Variants in FGFR1 observed in about 807,000 individuals in gnomAD.
FGFR1 encodes FGFR1/PLAG1 fusion.
A neutral mutation model predicts 93.7 loss-of-function variants in FGFR1; 18 were observed. The ratio of observed to expected loss-of-function variants is 0.19; its 90% CI spans 0.13 to 0.28. The LOEUF is 0.28. Among genes scored for constraint, FGFR1 ranks in the 10% least tolerant of loss-of-function variants. The pLI, the probability that FGFR1 is intolerant of heterozygous loss-of-function variation, is 1.00. For missense variants in FGFR1, 731 were observed against 1,080.4 expected (o/e 0.68, Z 4.53); for synonymous variants, 448 against 429.3 (o/e 1.04, Z -0.54).
chr8:38,452,148 G>C (rs148991264), intron 2 of FGFR1, among the ~76,000 whole-genome samples: 1 of 151,504 alleles, frequency 6.6e-6, no homozygotes, highest in Non-Finnish European at 1.5e-5. Context: ...ACTGAGGGGC[G>C]TTGGTACTGC....
rs1818096608 is a variant in FGFR1, at chr8:38,419,874, A to G, written c.1082-139T>C. ...AGAACCATGGCAAGTTCTAGCTAGG[A>G]CTGGGATTGTGGCACTAGGAGGATC... On this transcript the variant is annotated intron_variant, in intron 8 of 17. Transcript: ENST00000447712. The G allele has an allele frequency of 4.2e-5, 29 of 697,836 alleles. No homozygotes were observed. The South Asian group carries it at 5.3e-4, about 13-fold the overall frequency. 43.2% of individuals were successfully genotyped at this position (697,836 alleles called of 1,614,324 possible).
intron 2 of FGFR1, among the ~76,000 whole-genome samples, chr8:38,448,761 A>C (rs1406746118): frequency 6.6e-6 from 1 of 152,058 alleles, no homozygotes; most frequent in Non-Finnish European, 1.5e-5. Context: ...TCAAGACCAG[A>C]CTGGCCAACA....
intron 1 of FGFR1, among the ~76,000 whole-genome samples, chr8:38,462,915 T>C (rs974958796): frequency 7.5e-5 from 11 of 145,780 alleles, no homozygotes; most frequent in African/African-American, 2.8e-4. Context: ...TTTTTTTTTT[T>C]TTTTTTTTAA....
chr8:38,447,533 G>A (rs1829749420), intron 2 of FGFR1, among the ~76,000 whole-genome samples: 1 of 152,170 alleles, frequency 6.6e-6, no homozygotes, highest in Non-Finnish European at 1.5e-5. Flanking sequence ...CCAGGATGGA[G>A]TGCAGTGGTG....
At position 38,429,652 on chromosome 8, in the gene FGFR1, G is replaced by T; in HGVS notation, c.358+30C>A. ...GAGGGCTGGAGGGGGTGGGTCTAGG[G>T]AGGGGCAAGGGCAGGGCTTGGCTAC... is the stretch of plus-strand genomic sequence containing the variant. On this transcript the variant is annotated intron_variant, in intron 3 of 17. Transcript: ENST00000447712. The surrounding 1 kb of genome is among the most constrained non-coding windows in gnomAD (Gnocchi z 4.4). The T allele has an allele frequency of 6.4e-7, 1 of 1,555,674 alleles. No homozygotes were observed. Among genetic ancestry groups the T allele is most frequent in the Non-Finnish European group, 8.7e-7 (1 of 1,149,056 alleles).
At chr8:38,451,413 G>A (rs1325431359) in intron 2 of FGFR1, among the ~76,000 whole-genome samples, 4 of 152,028 alleles carry the variant, frequency 2.6e-5, no homozygotes, top group Non-Finnish European at 5.9e-5. Flanking sequence ...AGGCTGAAAC[G>A]CACACCCCTT....
intron 1 of FGFR1, among the ~76,000 whole-genome samples, chr8:38,461,663 T>C (rs975585995): frequency 1.1e-4 from 17 of 152,250 alleles, no homozygotes; most frequent in African/African-American, 3.9e-4. Flanking sequence ...CCCTTCCACT[T>C]ATGATCTTGC....
chr8:38,449,376 A>G (rs1042020146), intron 2 of FGFR1, among the ~76,000 whole-genome samples: 4 of 152,222 alleles, frequency 2.6e-5, no homozygotes, highest in African/African-American at 9.6e-5. Flanking sequence ...TGACTAGATG[A>G]ATGAATAAAT....
chr8:38,452,996 TA>T (rs762619098), intron 2 of FGFR1, among the ~76,000 whole-genome samples: 9 of 152,068 alleles, frequency 5.9e-5, no homozygotes, highest in African/African-American at 9.7e-5. Flanking sequence ...ATTAATTAAT[TA>T]AAAAATATCA....
In FGFR1 at chr8:38,468,011, G is replaced by T; in HGVS notation, c.-119C>A. On this transcript the variant is annotated 5_prime_UTR_variant, in exon 1 of 18. Coordinates refer to ENST00000447712, the MANE Select transcript of FGFR1 (RefSeq NM_023110.3). ...TCGGCGTGGAGGTTCCGCCTCGGGA[G>T]AGTCCGCCGTGGCTTGTGCGAGCGG... 2 of 221,142 alleles carry T rather than the reference G, an allele frequency of 9.0e-6. No individual in the cohort carries two copies. Among genetic ancestry groups the T allele is most frequent in the Non-Finnish European group, 1.8e-5 (2 of 110,274 alleles). 13.7% of individuals were successfully genotyped at this position (221,142 alleles called of 1,614,324 possible). A position where few individuals can be genotyped will look rare whatever the true frequency, so the allele number is the denominator to read the frequency against.
chr8:38,423,310 T>C, intron 7 of FGFR1: 1 of 592,388 alleles, frequency 1.7e-6, no homozygotes, highest in South Asian at 1.9e-5. Flanking sequence ...CTTTCCCTTT[T>C]AGTTTTTTTT....
In FGFR1 at chr8:38,413,983, G is replaced by C. The variant is rs1775239872; in HGVS notation, c.2227C>G (p.Gln743Glu). 2 of 1,613,998 alleles carry C rather than the reference G, an allele frequency of 1.2e-6. No homozygotes were observed. The highest frequency in any genetic ancestry group is 3.3e-5 in the Admixed American group (2 of 59,990). The change falls in exon 17 of 18, where the codon CAG (glutamine) becomes GAG (glutamate). Residue 743 changes from glutamine to glutamate, a missense_variant. Transcript: ENST00000447712. The surrounding 1 kb of genome is among the most constrained non-coding windows in gnomAD (Gnocchi z 4.2). ...MRDCWHAVPS[Q>E]RPTFKQLVED... ...ACCAGCTGCTTGAAGGTGGGTCTCT[G>C]TGAGGGCACTGCATGCCAGCAGTCC... is the stretch of plus-strand genomic sequence containing the variant.
intron 2 of FGFR1, among the ~76,000 whole-genome samples, chr8:38,453,392 T>G (rs10958700): frequency 0.18 from 27,578 of 152,302 alleles, 3,151 homozygotes; most frequent in East Asian, 0.32. Flanking sequence ...GCAGACATGC[T>G]TATTTGATAT....
rs1399110827 is a variant in FGFR1, at chr8:38,440,795, C to T, written c.92-10847G>A. The stretch of plus-strand genomic sequence containing the variant: ...ACTGAATGGCCTCTGCCAGCAGGTC[C>T]CCCCGTGCGTTGCCATGGGGACCCC... On this transcript the variant is annotated intron_variant, in intron 2 of 17. Coordinates refer to ENST00000447712, the MANE Select transcript of FGFR1 (RefSeq NM_023110.3). 3.9e-5 allele frequency among the ~76,000 whole-genome samples: 6 copies of T among 152,176 alleles called. No homozygotes were observed. In the East Asian group the frequency reaches 1.2e-3, roughly 29 times the overall value.
Position 38,417,997 on chromosome 8 carries a change from G to A in FGFR1, c.1431-6C>T, listed in dbSNP as rs375706016. 34 of 1,614,020 alleles carry A rather than the reference G, an allele frequency of 2.1e-5. No homozygotes were observed. Among genetic ancestry groups the A allele is most frequent in the African/African-American group, 2.7e-5 (2 of 74,900 alleles). On this transcript the variant is annotated splice_region_variant and splice_polypyrimidine_tract_variant and intron_variant, in intron 10 of 17. Coordinates refer to ENST00000447712, the MANE Select transcript of FGFR1 (RefSeq NM_023110.3). Reference sequence around the variant, plus strand: ...GGGGTTTGCCTAAGACCAGTCTTTCGGGGGAAACAGAGAGTGGCATAAGTT... The same window carrying A: ...GGGGTTTGCCTAAGACCAGTCTTTCAGGGGAAACAGAGAGTGGCATAAGTT...
chr8:38,452,265 C>G (rs1831340107), intron 2 of FGFR1, among the ~76,000 whole-genome samples: 1 of 151,008 alleles, frequency 6.6e-6, no homozygotes, highest in Non-Finnish European at 1.5e-5. Context: ...ACAGCAAGGC[C>G]TTTTAAATGG....
At chr8:38,445,333 T>G (rs1364205492) in intron 2 of FGFR1, among the ~76,000 whole-genome samples, 1 of 152,204 alleles carries the variant, frequency 6.6e-6, no homozygotes, top group Non-Finnish European at 1.5e-5. Flanking sequence ...CTCCAGAATC[T>G]AAGGCTGGCA....
rs764737745 is a variant in FGFR1, at chr8:38,424,290, C to T, written c.936+219G>A. The stretch of plus-strand genomic sequence containing the variant: ...CTTATTACAGACCAGCACCACCCAT[C>T]CCTGCAGCCCTCTGTTCCCAGCTCA... On this transcript the variant is annotated intron_variant, in intron 7 of 17. Transcript: ENST00000447712. This position sits in a 1 kb window ranked among gnomAD's most constrained non-coding sequence, Gnocchi z 4.3. The T allele has an allele frequency of 1.4e-6, 1 of 706,748 alleles. No homozygotes were observed. Among genetic ancestry groups the T allele is most frequent in the South Asian group, 1.5e-5 (1 of 66,556 alleles). The allele number at this position is 706,748 out of a possible 1,614,324, so 43.8% of individuals were successfully genotyped here.
rs1038316493 is a variant in FGFR1, at chr8:38,467,988, G to C, written c.-96C>G. ...GGGCGCCGCGGCTCTTACCTCGCTC[G>C]GCGTGGAGGTTCCGCCTCGGGAGAG... On this transcript the variant is annotated 5_prime_UTR_variant, in exon 1 of 18. Transcript: ENST00000447712. 1 of 219,114 alleles carries C rather than the reference G, an allele frequency of 4.6e-6. No homozygotes were observed. Among genetic ancestry groups the C allele is most frequent in the African/African-American group, 2.2e-5 (1 of 44,552 alleles). The allele number at this position is 219,114 out of a possible 1,614,324, so 13.6% of individuals were successfully genotyped here. A position where few individuals can be genotyped will look rare whatever the true frequency, so the allele number is the denominator to read the frequency against.
Sources: allele counts gnomAD v4.1 joint callset (sites outside exome capture counted in the v4.1 genomes callset), GRCh38; gene constraint gnomAD v4.1.1; non-coding constraint Gnocchi (gnomAD v3.1); transcripts MANE v1.5; gene names NCBI Gene and HGNC (gene_info 2026-07-23, HGNC 2026-07-21).